SLC4A10: variants seen among roughly 807,000 people sequenced by gnomAD.
SLC4A10 encodes sodium-driven chloride bicarbonate exchanger.
A neutral mutation model predicts 137.7 loss-of-function variants in SLC4A10; 42 were observed. That is an observed-to-expected ratio of 0.30 (90% CI 0.24 to 0.39). The LOEUF is 0.39. Among genes scored for constraint, SLC4A10 ranks in the 10% least tolerant of loss-of-function variants. The pLI, the probability that SLC4A10 is intolerant of heterozygous loss-of-function variation, is 1.00. For missense variants in SLC4A10, 925 were observed against 1,355.0 expected (o/e 0.68, Z 4.98); for synonymous variants, 474 against 464.1 (o/e 1.02, Z -0.27).
At chr2:161,897,295 G>C (rs1447962855) in intron 11 of SLC4A10, among the ~76,000 whole-genome samples, 1 of 152,006 alleles carries the variant, frequency 6.6e-6, no homozygotes, top group African/African-American at 2.4e-5. Flanking sequence ...TCCTCATACT[G>C]CCACCTCTAT....
chr2:161,631,745 A>G (rs1352274422), intron 1 of SLC4A10, among the ~76,000 whole-genome samples: 2 of 151,768 alleles, frequency 1.3e-5, no homozygotes, highest in Admixed American at 6.6e-5. Flanking sequence ...CAGAAGTGCC[A>G]TTTATATAGT....
At chr2:161,674,257 T>C (rs1414911879) in intron 1 of SLC4A10, among the ~76,000 whole-genome samples, 5 of 152,170 alleles carry the variant, frequency 3.3e-5, no homozygotes, top group Non-Finnish European at 7.4e-5. Flanking sequence ...TTAATCTCTC[T>C]GAACTACAGT....
At chr2:161,837,599 A>G (rs184189635) in intron 3 of SLC4A10, among the ~76,000 whole-genome samples, 4 of 152,344 alleles carry the variant, frequency 2.6e-5, no homozygotes, top group Admixed American at 6.5e-5. Context: ...TTGTTCTAAA[A>G]TGTATATCAA....
At chr2:161,674,376 T>G (rs898227553) in intron 1 of SLC4A10, among the ~76,000 whole-genome samples, 10 of 152,208 alleles carry the variant, frequency 6.6e-5, no homozygotes, top group Non-Finnish European at 1.3e-4. Flanking sequence ...GATAGTGCAT[T>G]TAATATGGCA....
At chr2:161,672,921 G>A (rs559780522) in intron 1 of SLC4A10, among the ~76,000 whole-genome samples, 1 of 152,266 alleles carries the variant, frequency 6.6e-6, no homozygotes, top group East Asian at 1.9e-4. Flanking sequence ...TTTTGGGATG[G>A]TACAGTTCTG....
intron 5 of SLC4A10, among the ~76,000 whole-genome samples, chr2:161,858,150 C>A (rs2060208525): frequency 6.6e-6 from 1 of 152,170 alleles, no homozygotes; most frequent in African/African-American, 2.4e-5. Context: ...TCACTAGTTT[C>A]AGTTTTACAA....
At chr2:161,960,517 C>T (rs911359271) in intron 21 of SLC4A10, among the ~76,000 whole-genome samples, 9 of 151,660 alleles carry the variant, frequency 5.9e-5, no homozygotes, top group Admixed American at 3.9e-4. Context: ...GTCAGGAGTT[C>T]GAGACCAGCC....
intron 1 of SLC4A10, among the ~76,000 whole-genome samples, chr2:161,676,051 A>G (rs2040243373): frequency 6.6e-6 from 1 of 152,194 alleles, no homozygotes; most frequent in Non-Finnish European, 1.5e-5. Context: ...TCAGGACAAA[A>G]GATCATGGGT....
chr2:161,945,182 G>GTGTGTATA (rs1185711774), intron 16 of SLC4A10, among the ~76,000 whole-genome samples: 9 of 88,858 alleles, frequency 1.0e-4, no homozygotes, highest in African/African-American at 3.0e-4. Flanking sequence ...AAGTTTGTGT[G>GTGTGTATA]TATATATATA....
chr2:161,655,948 G>T (rs931919064), intron 1 of SLC4A10, among the ~76,000 whole-genome samples: 2 of 151,570 alleles, frequency 1.3e-5, no homozygotes, highest in African/African-American at 4.9e-5. Flanking sequence ...TGAGTAGATG[G>T]GATTACAGGC....
At chr2:161,840,343 A>G (rs1484767581) in intron 4 of SLC4A10, among the ~76,000 whole-genome samples, 1 of 152,342 alleles carries the variant, frequency 6.6e-6, no homozygotes, top group Non-Finnish European at 1.5e-5. Context: ...CCTGGATTTC[A>G]TGTGCTCTTT....
intron 15 of SLC4A10, among the ~76,000 whole-genome samples, chr2:161,919,847 A>G (rs1687795731): frequency 6.6e-6 from 1 of 152,194 alleles, no homozygotes; most frequent in African/African-American, 2.4e-5. Context: ...GCAGCCCTTC[A>G]GGAAGTCCAG....
intron 26 of SLC4A10, among the ~76,000 whole-genome samples, chr2:161,982,338 C>G (rs568224955): frequency 6.6e-5 from 10 of 152,144 alleles, no homozygotes; most frequent in African/African-American, 1.9e-4. Flanking sequence ...TGAACTTCAT[C>G]CCTGTAATGA....
chr2:161,983,284 AGT>A lies in SLC4A10; in HGVS notation c.*135_*136del. On this transcript the variant is annotated 3_prime_UTR_variant, in exon 27 of 27. Coordinates refer to ENST00000446997, the MANE Select transcript of SLC4A10 (RefSeq NM_001178015.2). ...TTATTTTTTACATATATATGAGAAG[AGT>A]GTCACAATTATTAATAAAACTGCTT... 2.0e-6 allele frequency: 3 copies of A among 1,504,920 alleles called. No individual in the cohort carries two copies. Among genetic ancestry groups the A allele is most frequent in the Non-Finnish European group, 1.8e-6 (2 of 1,121,856 alleles). The allele number at this position is 1,504,920 out of a possible 1,614,324, so 93.2% of individuals were successfully genotyped here.
At chr2:161,859,687 G>A (rs1345524329) in intron 5 of SLC4A10, among the ~76,000 whole-genome samples, 2 of 130,548 alleles carry the variant, frequency 1.5e-5, no homozygotes, top group Non-Finnish European at 1.5e-5. Context: ...TGCAAGCTCC[G>A]CCTCCCGGGT....
chr2:161,928,439 G>A (rs1002177299), intron 15 of SLC4A10, among the ~76,000 whole-genome samples: 4 of 149,578 alleles, frequency 2.7e-5, no homozygotes, highest in South Asian at 2.1e-4. Flanking sequence ...GAGTTAATGG[G>A]TGCAGCACAC....
chr2:161,889,435 T>C (rs1037391351), intron 10 of SLC4A10, among the ~76,000 whole-genome samples: 2 of 152,182 alleles, frequency 1.3e-5, no homozygotes, highest in African/African-American at 4.8e-5. Flanking sequence ...GTTGGTAGGC[T>C]ATTAATTACT....
intron 1 of SLC4A10, among the ~76,000 whole-genome samples, chr2:161,684,579 G>A (rs1295809965): frequency 6.6e-6 from 1 of 152,168 alleles, no homozygotes; most frequent in Non-Finnish European, 1.5e-5. Context: ...GAGAAAGAAT[G>A]TTGTCACTTA....
chr2:161,664,418 TA>T (rs1487448493), intron 1 of SLC4A10, among the ~76,000 whole-genome samples: 1 of 151,924 alleles, frequency 6.6e-6, no homozygotes, highest in Non-Finnish European at 1.5e-5. Context: ...AGTGAACCAA[TA>T]AAAAATGGTT....
Sources: gnomAD v4.1 joint callset for allele counts (sites outside exome capture counted in the v4.1 genomes callset) on GRCh38, gnomAD v4.1.1 for gene constraint, MANE v1.5 for transcripts, NCBI Gene and HGNC (gene_info 2026-07-23, HGNC 2026-07-21) for gene names.